The following CLN8 variants were observed in gnomAD, a reference collection of about 807,000 sequenced individuals.
CLN8 encodes the protein CLN8 transmembrane ER and ERGIC protein, also known as protein CLN8.
A neutral mutation model predicts 15.7 loss-of-function variants in CLN8; 14 were observed. That is an observed-to-expected ratio of 0.89 (90% CI 0.59 to 1.39). The LOEUF is 1.39. CLN8 is among the 40% of genes most tolerant of loss of function. CLN8 has a pLI of 0.00. For missense variants in CLN8, 415 were observed against 364.0 expected (o/e 1.14, Z -1.14); for synonymous variants, 188 against 151.0 (o/e 1.25, Z -1.80).
intron 2 of CLN8, chr8:1,773,126 G>T (rs767565663): frequency 2.5e-6 from 1 of 393,704 alleles, no homozygotes; most frequent in Non-Finnish European, 4.5e-6. Context: ...TTGTGTTCCT[G>T]GTGTCCCCTG....
chr8:1,779,586 A>C (rs1453852434), intron 2 of CLN8, among the ~76,000 whole-genome samples: 2 of 152,212 alleles, frequency 1.3e-5, no homozygotes, highest in Non-Finnish European at 2.9e-5. Flanking sequence ...TGTATTAGTC[A>C]GCTCAGGCTG....
At chr8:1,767,653 C>T (rs1168076527) in intron 1 of CLN8, among the ~76,000 whole-genome samples, 4 of 149,818 alleles carry the variant, frequency 2.7e-5, no homozygotes, top group African/African-American at 4.9e-5. Context: ...CTCACTGCCA[C>T]CTCCACCTCC....
At chr8:1,765,631 C>T (rs1801021020) in intron 1 of CLN8, among the ~76,000 whole-genome samples, 1 of 152,140 alleles carries the variant, frequency 6.6e-6, no homozygotes, top group Non-Finnish European at 1.5e-5. Context: ...AATGTCAGTT[C>T]AAAAGAGAAT....
In CLN8 at chr8:1,771,254, C is replaced by T. The variant is rs373957283; in HGVS notation, c.200C>T (p.Ala67Val). The T allele has an allele frequency of 5.8e-5, 93 of 1,613,312 alleles. 1 individual carries two copies. In the Admixed American group the frequency reaches 8.8e-4, roughly 15 times the overall value. Residue 67 changes from alanine to valine, a missense_variant, in exon 2 of 3, where the codon GCG becomes GTG. Ala to Val is a moderately conservative substitution (Grantham distance 64, BLOSUM62 0). Transcript: ENST00000331222. ...AGAGAGAAGGTCTTCTGGGACCTGGCGGCCACGCGTGCAGTCTTTGGTGTT... is the reference window on the plus strand; with the variant it reads ...AGAGAGAAGGTCTTCTGGGACCTGGTGGCCACGCGTGCAGTCTTTGGTGTT... ...VAREKVFWDL[A>V]ATRAVFGVQS...
At chr8:1,770,223 A>G (rs6993706) in intron 1 of CLN8, among the ~76,000 whole-genome samples, 122,864 of 152,118 alleles carry the variant, frequency 0.81, 49,889 homozygotes, top group African/African-American at 0.85. Flanking sequence ...AGGTAAGATG[A>G]TGCCAACTTG....
rs891534123 is a variant in CLN8, at chr8:1,784,322, C to G, written c.*3755C>G. ...AGAACGGACATCATTTCTCACAGTT[C>G]TGGAGGCTGGAAGTCCAAGATAAAG... On this transcript the variant is annotated 3_prime_UTR_variant, in exon 3 of 3. Coordinates refer to ENST00000331222, the MANE Select transcript of CLN8 (RefSeq NM_018941.4). 1 of 152,664 alleles carries G rather than the reference C, an allele frequency of 6.6e-6. No individual in the cohort carries two copies. The highest frequency in any genetic ancestry group is 1.5e-5 in the Non-Finnish European group (1 of 68,622). The allele number at this position is 152,664 out of a possible 1,614,324, so 9.5% of individuals were successfully genotyped here.
At chr8:1,772,231 T>C (rs1368684451) in intron 2 of CLN8, among the ~76,000 whole-genome samples, 1 of 151,754 alleles carries the variant, frequency 6.6e-6, no homozygotes, top group African/African-American at 2.4e-5. Flanking sequence ...CCACCGTGCC[T>C]GGCCTCTTTT....
Position 1,771,185 on chromosome 8 carries a change from A to G in CLN8, c.131A>G (p.Gln44Arg), listed in dbSNP as rs760919296. The change falls in exon 2 of 3, where the codon CAG becomes CGG. Residue 44 changes from glutamine (Q) to arginine (R), a missense_variant. Gln to Arg is a conservative substitution (Grantham distance 43, BLOSUM62 1). Transcript: ENST00000331222. ...TTGGGCGTCTTTGTGGTCTGCCACC[A>G]GCTGTCCTCTTCCCTGAATGCCACT... ...FYLGVFVVCH[Q>R]LSSSLNATYR... 6.2e-7 allele frequency: 1 copy of G among 1,614,050 alleles called. No homozygotes were observed. The highest frequency in any genetic ancestry group is 8.5e-7 in the Non-Finnish European group (1 of 1,180,022).
Position 1,769,647 on chromosome 8 carries a change from G to A in CLN8, c.-123-1285G>A, listed in dbSNP as rs563812421. Among the ~76,000 whole-genome samples the A allele has an allele frequency of 1.3e-4, 20 of 152,276 alleles. No individual in the cohort carries two copies. In the South Asian group the frequency reaches 3.1e-3, roughly 24 times the overall value. On this transcript the variant is annotated intron_variant, in intron 1 of 2. Coordinates refer to ENST00000331222, the MANE Select transcript of CLN8 (RefSeq NM_018941.4). ...TCGTTGTGTGCCTGGGTTTCCTGCCGTGTAAAAGGAAAGGCTGGAATCAAT... is the reference window on the plus strand; with the variant it reads ...TCGTTGTGTGCCTGGGTTTCCTGCCATGTAAAAGGAAAGGCTGGAATCAAT...
upstream of CLN8, among the ~76,000 whole-genome samples, chr8:1,761,070 A>C (rs1425300104): frequency 1.8e-5 from 2 of 113,734 alleles, no homozygotes; most frequent in South Asian, 6.0e-4. Flanking sequence ...CCCAGGCTGG[A>C]GTGCAGTGGC....
upstream of CLN8, chr8:1,760,374 A>G (rs1435645155): frequency 2.0e-5 from 3 of 152,212 alleles, no homozygotes; most frequent in Admixed American, 2.0e-4. Flanking sequence ...AGGGGAGTAC[A>G]CAGGCTGTAA....
chr8:1,755,861 A>G (rs984138052), exon 1 of CLN8: 1 of 152,186 alleles, frequency 6.6e-6, no homozygotes, highest in African/African-American at 2.4e-5. Context: ...TTGATGTGAA[A>G]TGCGGATTCC....
rs757748516 is a variant in CLN8, at chr8:1,780,979, G to C, written c.*412G>C. 9.9e-6 allele frequency: 2 copies of C among 202,246 alleles called. No homozygotes were observed. Among genetic ancestry groups the C allele is most frequent in the South Asian group, 1.2e-4 (1 of 8,176 alleles). 12.5% of individuals were successfully genotyped at this position (202,246 alleles called of 1,614,324 possible). On this transcript the variant is annotated 3_prime_UTR_variant, in exon 3 of 3. Coordinates refer to ENST00000331222, the MANE Select transcript of CLN8 (RefSeq NM_018941.4). ...ACTCATATGCCGTGTGTCTTATTCA[G>C]AAGTCACATTCTTTTCAGTTGGAGA...
At chr8:1,773,322 G>T (rs1036163461) in intron 2 of CLN8, among the ~76,000 whole-genome samples, 4 of 152,204 alleles carry the variant, frequency 2.6e-5, no homozygotes, top group Non-Finnish European at 5.9e-5. Flanking sequence ...GGTGGCCATG[G>T]AAGTAGATGG....
rs757630666 is a variant in CLN8, at chr8:1,780,342, G to C, written c.636G>C (p.Trp212Cys). The C allele has an allele frequency of 4.5e-5, 72 of 1,614,154 alleles. No homozygotes were observed. The highest frequency in any genetic ancestry group is 5.7e-5 in the Non-Finnish European group (67 of 1,180,062). The change falls in exon 3 of 3, where the codon TGG (tryptophan) becomes TGC (cysteine). Residue 212 changes from tryptophan to cysteine, a missense_variant. Transcript: ENST00000331222. ...GCATGGTTCTAACCTACCACATGTG[G>C]TGGGTGTGTTTCTGGCACTGGGACG... ...HCRMVLTYHM[W>C]WVCFWHWDGL...
At chr8:1,769,389 C>T (rs1381777248) in intron 1 of CLN8, among the ~76,000 whole-genome samples, 1 of 152,172 alleles carries the variant, frequency 6.6e-6, no homozygotes, top group Non-Finnish European at 1.5e-5. Flanking sequence ...ATGCTTCTGG[C>T]TCTAGTCCTG....
At chr8:1,770,401 G>A (rs1404953849) in intron 1 of CLN8, among the ~76,000 whole-genome samples, 8 of 152,186 alleles carry the variant, frequency 5.3e-5, no homozygotes, top group Admixed American at 4.6e-4. Context: ...ATTCTGCAGA[G>A]TGCCGTAGGT....
chr8:1,771,092 T>C lies in CLN8; in HGVS notation c.38T>C (p.Ile13Thr). Residue 13 changes from isoleucine (I) to threonine (T), a missense_variant, in exon 2 of 3, where the codon ATT becomes ACT. By Grantham distance (89) the Ile-to-Thr change is moderately conservative. Coordinates refer to ENST00000331222, the MANE Select transcript of CLN8 (RefSeq NM_018941.4). ...PASDGGTSESIFDLDYASWGI... is the reference protein window; with the variant it reads ...PASDGGTSESTFDLDYASWGI... Reference sequence around the variant, plus strand: ...AGCGATGGGGGCACATCAGAGAGCATTTTTGACCTGGACTATGCATCCTGG... The same window carrying C: ...AGCGATGGGGGCACATCAGAGAGCACTTTTGACCTGGACTATGCATCCTGG... 1 of 1,614,006 alleles carries C rather than the reference T, an allele frequency of 6.2e-7. No homozygotes were observed. Among genetic ancestry groups the C allele is most frequent in the East Asian group, 2.2e-5 (1 of 44,834 alleles).
chr8:1,762,576 A>G (rs1800826689), upstream of CLN8: 1 of 152,268 alleles, frequency 6.6e-6, no homozygotes, highest in African/African-American at 2.4e-5. Flanking sequence ...TAAATGAGCC[A>G]GCAGAAAAAT....
Sources: allele counts gnomAD v4.1 joint callset (sites outside exome capture counted in the v4.1 genomes callset), GRCh38; gene constraint gnomAD v4.1.1; transcripts MANE v1.5; gene names NCBI Gene and HGNC (gene_info 2026-07-23, HGNC 2026-07-21).